Variants in SEC31A observed in about 807,000 individuals in gnomAD.
SEC31A encodes the protein SEC31 homolog A, COPII component.
In SEC31A, 70 loss-of-function variants were observed where a neutral mutation model predicts 151.0. That is an observed-to-expected ratio of 0.46 (90% confidence interval 0.38 to 0.57). SEC31A has a LOEUF of 0.57. Among genes scored for constraint, SEC31A ranks in the 20% least tolerant of loss-of-function variants. The pLI is 0.00. For synonymous variants in SEC31A, 475 were observed against 505.9 expected, an observed-to-expected ratio of 0.94 and a Z score of 0.82; for missense variants, 1,330 against 1,471.2, an observed-to-expected ratio of 0.90 and a Z score of 1.57.
chr4:82,888,698 TA>T (rs67970155), intron 1 of SEC31A, among the ~76,000 whole-genome samples: 80,512 of 145,108 alleles, frequency 0.55, 23,845 homozygotes, highest in African/African-American at 0.8. Flanking sequence ...CAGAAAAAAA[TA>T]AAAAAAAAAA....
chr4:82,891,037 C>G, intron 1 of SEC31A, 51 bp downstream of exon 1: 1 of 1,535,230 alleles, frequency 6.5e-7, no homozygotes. Flanking sequence ...TGGGCTCTAC[C>G]TCAAAGCTTA....
chr4:82,844,174 A>G (rs1051445386), intron 21 of SEC31A: 9 of 483,740 alleles, frequency 1.9e-5, no homozygotes, highest in African/African-American at 1.8e-4. Context: ...GGAGTCAACT[A>G]CTCTGAACAG....
intron 3 of SEC31A, among the ~76,000 whole-genome samples, chr4:82,897,049 A>C (rs909733657): frequency 1.3e-5 from 2 of 152,188 alleles, no homozygotes; most frequent in Admixed American, 1.3e-4. Context: ...TGAGATTTAT[A>C]ATCTTTTGAG....
intron 12 of SEC31A, 61 bp downstream of exon 12, chr4:82,863,257 C>T (rs758291159): frequency 2.0e-6 from 2 of 985,866 alleles, no homozygotes; most frequent in East Asian, 2.5e-5. Flanking sequence ...CTGTGTAGAA[C>T]TTTATTTTTT....
chr4:82,871,938 C>T lies in SEC31A; in HGVS notation c.782+6G>A, dbSNP rs201135465. The T allele has an allele frequency of 1.4e-4, 227 of 1,613,926 alleles. No individual in the cohort carries two copies. The highest frequency in any genetic ancestry group is 2.8e-4 in the African/African-American group (21 of 74,900). On this transcript the variant is annotated splice_donor_region_variant and intron_variant, in intron 7 of 26. Coordinates refer to ENST00000395310, the MANE Select transcript of SEC31A (RefSeq NM_001077207.4). ...AATCAAGTTCTTTGTAACAGCAGCA[C>T]GATACCTGGCATGGTTTTCCAGGAC... is the stretch of plus-strand genomic sequence containing the variant.
upstream of SEC31A, among the ~76,000 whole-genome samples, chr4:82,892,654 AAC>A (rs1170600907): frequency 2.6e-5 from 4 of 152,244 alleles, no homozygotes; most frequent in East Asian, 7.7e-4. Context: ...GCATGAACTA[AAC>A]AGATGATCAG....
At chr4:82,869,204 C>A (rs1345452474) in intron 8 of SEC31A, among the ~76,000 whole-genome samples, 1 of 151,974 alleles carries the variant, frequency 6.6e-6, no homozygotes, top group Non-Finnish European at 1.5e-5. Flanking sequence ...ACTGCAAGCT[C>A]CGCCTCCCAG....
At chr4:82,854,779 G>T (rs1732261832) in intron 17 of SEC31A, 124 bp downstream of exon 17, 2 of 958,662 alleles carry the variant, frequency 2.1e-6, no homozygotes, top group Non-Finnish European at 2.9e-6. Flanking sequence ...ACTGAAATGA[G>T]AATTTTTCTT....
chr4:82,850,837 C>T (rs1335719129), intron 19 of SEC31A, among the ~76,000 whole-genome samples: 1 of 152,198 alleles, frequency 6.6e-6, no homozygotes, highest in East Asian at 1.9e-4. Context: ...TCTTGGCAAT[C>T]TTATTCACCA....
At chr4:82,845,928 C>T (rs1041587228) in intron 20 of SEC31A, among the ~76,000 whole-genome samples, 1 of 152,126 alleles carries the variant, frequency 6.6e-6, no homozygotes, top group Non-Finnish European at 1.5e-5. Flanking sequence ...TCCAAGTCAC[C>T]TGATTTCCAG....
In SEC31A at chr4:82,891,127, A is replaced by G; in HGVS notation, c.-44T>C. The G allele has an allele frequency of 2.6e-6, 4 of 1,535,926 alleles. No individual in the cohort carries two copies. The highest frequency in any genetic ancestry group is 3.5e-6 in the Non-Finnish European group (4 of 1,146,766). On this transcript the variant is annotated 5_prime_UTR_variant, in exon 1 of 27. Transcript: ENST00000395310. The stretch of plus-strand genomic sequence containing the variant: ...CGGCAGCCGGATCCTGCGTTAGTGC[A>G]GCGCTCGTCGGACTCTCCCAGCATT...
At chr4:82,873,395 A>C (rs1361682358) in intron 6 of SEC31A, among the ~76,000 whole-genome samples, 1 of 114,798 alleles carries the variant, frequency 8.7e-6, no homozygotes, top group African/African-American at 2.5e-5. Context: ...CACACACACA[A>C]GACACAAAAA....
chr4:82,864,226 GC>G, intron 11 of SEC31A, 135 bp downstream of exon 11: 1 of 661,808 alleles, frequency 1.5e-6, no homozygotes, highest in Non-Finnish European at 2.6e-6. Context: ...TCTTTATAAG[GC>G]TTCTTAATTT....
Position 82,874,749 on chromosome 4 carries a change from C to T in SEC31A, c.501G>A (p.Pro167=), listed in dbSNP as rs140201573. 1.1e-4 allele frequency: 172 copies of T among 1,601,576 alleles called. No homozygotes were observed. Among genetic ancestry groups the T allele is most frequent in the Admixed American group, 2.7e-4 (15 of 55,580 alleles). Residue 167 remains proline, a splice_region_variant and synonymous_variant, in exon 6 of 27, where the codon CCG becomes CCA. Coordinates refer to ENST00000395310, the MANE Select transcript of SEC31A (RefSeq NM_001077207.4). ...TPMTPGAKTQ[P]PEDISCIAWN... is the part of the protein sequence containing the mutation. ...ATGCAATGCAGCTGATATCTTCTGG[C>T]GGCTACAAGGAAGAAACAGTTAATA...
chr4:82,841,440 TTTTA>T (rs1398298030), intron 22 of SEC31A, among the ~76,000 whole-genome samples: 174 of 18,360 alleles, frequency 9.5e-3, no homozygotes, highest in African/African-American at 0.015. Flanking sequence ...AAAAAAAAAA[TTTTA>T]TATATATATA....
At position 82,870,411 on chromosome 4, in the gene SEC31A, T is replaced by A; in HGVS notation, c.796A>T (p.Ile266Phe). The change falls in exon 8 of 27, where the codon ATT becomes TTT. Residue 266 changes from isoleucine to phenylalanine, a missense_variant. Transcript: ENST00000395310. ...TCAGGATCTGCCATGCTCCAAGCAA[T>A]TGCCAAAATCCCCCTATAAAAAACA... ...LENHARGILAIAWSMADPELL... is the reference protein window; with the variant it reads ...LENHARGILAFAWSMADPELL... The A allele has an allele frequency of 1.2e-6, 2 of 1,612,744 alleles. 1 individual carries two copies. The highest frequency in any genetic ancestry group is 1.7e-6 in the Non-Finnish European group (2 of 1,179,196).
At chr4:82,862,338 T>A (rs886672109) in intron 13 of SEC31A, among the ~76,000 whole-genome samples, 196 bp downstream of exon 13, 29 of 152,192 alleles carry the variant, frequency 1.9e-4, no homozygotes, top group African/African-American at 6.5e-4. Flanking sequence ...AATATGTATG[T>A]CAAGAGAAAG....
chr4:82,888,400 A>ATATATATATATACG, intron 1 of SEC31A, among the ~76,000 whole-genome samples: 1 of 1,714 alleles, frequency 5.8e-4, no homozygotes, highest in African/African-American at 1.2e-3. Flanking sequence ...ATATATATAC[A>ATATATATATATACG]CACAGACACG....
At chr4:82,869,976 A>T (rs1736283627) in intron 8 of SEC31A, among the ~76,000 whole-genome samples, 1 of 152,228 alleles carries the variant, frequency 6.6e-6, no homozygotes, top group Non-Finnish European at 1.5e-5. Flanking sequence ...TAAAGCAGGC[A>T]AAAGATGCAA....
Sources: gnomAD v4.1 joint callset for allele counts (sites outside exome capture counted in the v4.1 genomes callset) on GRCh38, gnomAD v4.1.1 for gene constraint, MANE v1.5 for transcripts, NCBI Gene and HGNC (gene_info 2026-07-23, HGNC 2026-07-21) for gene names.